PFKFB1: variants seen among roughly 807,000 people sequenced by gnomAD.
PFKFB1 encodes the protein 6-phosphofructo-2-kinase/fructose-2,6-biphosphatase 1.
PFKFB1 carries 34 observed loss-of-function variants against 46.4 expected under a neutral mutation model. The ratio of observed to expected loss-of-function variants is 0.73; its 90% confidence interval spans 0.56 to 0.98. The LOEUF (loss-of-function observed/expected upper bound fraction) is 0.98. PFKFB1 is among the 50% of genes least tolerant of loss of function. The pLI, the probability that PFKFB1 is intolerant of heterozygous loss-of-function variation, is 0.00. For missense variants in PFKFB1, 393 were observed against 376.3 expected, an observed-to-expected ratio of 1.04 and a Z score of -0.37; for synonymous variants, 119 against 133.8, an observed-to-expected ratio of 0.89 and a Z score of 0.76.
intron 3 of PFKFB1, among the ~76,000 whole-genome samples, chrX:54,960,351 A>T (rs1308036221): frequency 6.2e-5 from 7 of 112,588 alleles, no homozygotes; most frequent in Non-Finnish European, 1.9e-5. Flanking sequence ...GCCAGGTTCT[A>T]TAATGAAGGC....
intron 1 of PFKFB1, among the ~76,000 whole-genome samples, chrX:54,968,893 A>G (rs1012817428): frequency 9.9e-5 from 11 of 111,414 alleles, no homozygotes; most frequent in Non-Finnish European, 3.8e-5. Context: ...CATTACCCTG[A>G]TATAAAAACC....
intron 13 of PFKFB1, 148 bp downstream of exon 13, chrX:54,933,673 G>T (rs1933294625): frequency 3.7e-6 from 2 of 536,317 alleles, no homozygotes; most frequent in Admixed American, 6.3e-5. Context: ...TCTGGGTTGT[G>T]GTTTCTGCAT....
intron 1 of PFKFB1, among the ~76,000 whole-genome samples, chrX:54,974,164 T>A (rs1934770031): frequency 9.0e-6 from 1 of 111,260 alleles, no homozygotes; most frequent in Non-Finnish European, 1.9e-5. Flanking sequence ...GCCAAAACAA[T>A]TTGCAAAATA....
chrX:54,947,633 A>G (rs1195059630), intron 9 of PFKFB1, among the ~76,000 whole-genome samples: 1 of 112,161 alleles, frequency 8.9e-6, no homozygotes, highest in Non-Finnish European at 1.9e-5. Context: ...GTTTCTATAG[A>G]GGCATATCTA....
At chrX:54,952,791 T>C (rs1300426997) in intron 7 of PFKFB1, among the ~76,000 whole-genome samples, 2 of 110,223 alleles carry the variant, frequency 1.8e-5, no homozygotes, top group Non-Finnish European at 3.8e-5. Context: ...TTGGGAGCTC[T>C]CTGGCCAGTC....
intron 1 of PFKFB1, among the ~76,000 whole-genome samples, chrX:54,965,080 T>C (rs994258081): frequency 1.8e-5 from 2 of 111,459 alleles, no homozygotes; most frequent in Admixed American, 9.6e-5. Context: ...TATACGTATT[T>C]AGAACACAAG....
intron 10 of PFKFB1, among the ~76,000 whole-genome samples, chrX:54,942,085 C>T (rs1446137303): frequency 1.8e-5 from 2 of 111,820 alleles, no homozygotes; most frequent in Non-Finnish European, 3.8e-5. Context: ...GAGTTCATGT[C>T]CTTTGTAGTG....
At chrX:54,935,810 C>A (rs1271245487) in intron 11 of PFKFB1, among the ~76,000 whole-genome samples, 7 of 111,481 alleles carry the variant, frequency 6.3e-5, no homozygotes, top group Admixed American at 9.5e-5. Flanking sequence ...GGTGATAAAC[C>A]CACCTGCTAG....
At chrX:54,935,477 C>T (rs945431739) in intron 11 of PFKFB1, among the ~76,000 whole-genome samples, 3 of 112,635 alleles carry the variant, frequency 2.7e-5, no homozygotes, top group Non-Finnish European at 1.9e-5. Context: ...ATCCCTGCCT[C>T]AGGCCTGGTG....
chrX:54,976,455 G>C (rs1241878034), intron 1 of PFKFB1, among the ~76,000 whole-genome samples: 1 of 111,529 alleles, frequency 9.0e-6, no homozygotes, highest in Non-Finnish European at 1.9e-5. Context: ...AAAATGGCTA[G>C]AATTAAATAC....
At chrX:54,944,664 T>A (rs1933749864) in intron 10 of PFKFB1, among the ~76,000 whole-genome samples, 1 of 111,989 alleles carries the variant, frequency 8.9e-6, no homozygotes, top group African/African-American at 3.2e-5. Context: ...AATAATAAAA[T>A]GTGCAATTCA....
chrX:54,951,161 C>T (rs1458530203), intron 8 of PFKFB1, among the ~76,000 whole-genome samples: 2 of 113,042 alleles, frequency 1.8e-5, no homozygotes, highest in Non-Finnish European at 3.7e-5. Flanking sequence ...GCTAATAAGC[C>T]CAGGCACAGG....
At chrX:54,963,452 T>C in intron 1 of PFKFB1, 70 bp from the exon 2 acceptor site, 1 of 1,061,896 alleles carries the variant, frequency 9.4e-7, no homozygotes, top group South Asian at 2.1e-5. Flanking sequence ...AGGCCAGAAA[T>C]GTAGAGTTGT....
chrX:54,961,961 G>T (rs193281261), intron 2 of PFKFB1, among the ~76,000 whole-genome samples: 1 of 111,434 alleles, frequency 9.0e-6, no homozygotes, highest in African/African-American at 3.3e-5. Flanking sequence ...CACTATAGCT[G>T]AGGCCTGAGA....
chrX:54,964,587 C>G (rs752350530), intron 1 of PFKFB1, among the ~76,000 whole-genome samples: 9 of 110,792 alleles, frequency 8.1e-5, no homozygotes, highest in Non-Finnish European at 1.7e-4. Flanking sequence ...AGGTTTGTTA[C>G]CTGGGTATAT....
chrX:54,996,001 G>A (rs1308397141), upstream of PFKFB1, among the ~76,000 whole-genome samples: 1 of 112,137 alleles, frequency 8.9e-6, no homozygotes, highest in East Asian at 2.8e-4. Context: ...AGAAAACTGA[G>A]GTCTAGAAAT....
chrX:54,977,247 GAAAT>G (rs1278809834), intron 1 of PFKFB1, among the ~76,000 whole-genome samples: 7 of 110,799 alleles, frequency 6.3e-5, no homozygotes, highest in African/African-American at 1.3e-4. Flanking sequence ...AAGAAAACCT[GAAAT>G]AAATAACCAC....
chrX:54,933,671 G>T, intron 13 of PFKFB1, 150 bp downstream of exon 13: 1 of 535,178 alleles, frequency 1.9e-6, no homozygotes, highest in Non-Finnish European at 3.2e-6. Context: ...TGTCTGGGTT[G>T]TGGTTTCTGC....
At position 54,948,110 on chromosome X, in the gene PFKFB1, A is replaced by T. The variant is rs1316480654; in HGVS notation, c.993+965T>A. On this transcript the variant is annotated intron_variant, in intron 9 of 13. Transcript: ENST00000375006. ...GCTAATTTTTAAATTGTTTGTAGAGATGGGGTTTTACTATGTTGCTCAGGC... is the reference window on the plus strand; with the variant it reads ...GCTAATTTTTAAATTGTTTGTAGAGTTGGGGTTTTACTATGTTGCTCAGGC... 5.4e-5 allele frequency among the ~76,000 whole-genome samples: 6 copies of T among 110,253 alleles called. No individual in the cohort carries two copies. The South Asian group carries it at 1.2e-3, about 22-fold the overall frequency.
Sources: gnomAD v4.1 joint callset for allele counts (sites outside exome capture counted in the v4.1 genomes callset) on GRCh38, gnomAD v4.1.1 for gene constraint, MANE v1.5 for transcripts, NCBI Gene and HGNC (gene_info 2026-07-23, HGNC 2026-07-21) for gene names.